The following SLIT3 variants were observed in gnomAD, a reference collection of about 807,000 sequenced individuals.
SLIT3 encodes the protein slit homolog 3 protein.
A neutral mutation model predicts 184.0 loss-of-function variants in SLIT3; 68 were observed. The observed-to-expected ratio is 0.37, with a 90% CI of 0.30 to 0.45. The LOEUF (loss-of-function observed/expected upper bound fraction) is 0.45, where lower values mean the gene tolerates loss of function less well. Ranked by LOEUF, SLIT3 falls within the 20% of genes least tolerant of loss-of-function variation. The probability of loss-of-function intolerance (pLI) is 1.00; values close to 1 mark genes in which losing one functional copy is unlikely to be tolerated. For missense variants in SLIT3, 1,707 were observed against 2,026.0 expected (o/e 0.84, Z 3.02); for synonymous variants, 831 against 828.6 (o/e 1.00, Z -0.05).
At chr5:168,891,317 T>G (rs13169232) in intron 4 of SLIT3, among the ~76,000 whole-genome samples, 2 of 152,016 alleles carry the variant, frequency 1.3e-5, no homozygotes, top group South Asian at 4.2e-4. Flanking sequence ...TTAATCTGTA[T>G]TTCAGAAAGC....
chr5:169,224,051 C>T (rs1764710056), intron 3 of SLIT3, among the ~76,000 whole-genome samples: 1 of 152,158 alleles, frequency 6.6e-6, no homozygotes, highest in Admixed American at 6.5e-5. Flanking sequence ...TAGGAAATGG[C>T]AAGATCATTA....
intron 4 of SLIT3, among the ~76,000 whole-genome samples, chr5:169,116,127 T>C (rs1760653549): frequency 6.6e-6 from 1 of 152,214 alleles, no homozygotes; most frequent in South Asian, 2.1e-4. Flanking sequence ...GAGATAATTA[T>C]TGCAGGGCAA....
intron 20 of SLIT3, among the ~76,000 whole-genome samples, chr5:168,729,573 C>A (rs903894130): frequency 1.3e-5 from 2 of 151,576 alleles, no homozygotes; most frequent in African/African-American, 4.8e-5. Flanking sequence ...AGGATAAAGT[C>A]CTTCCCTGAC....
At position 168,666,588 on chromosome 5, in the gene SLIT3, C is replaced by A; in HGVS notation, c.4438G>T (p.Gly1480Trp). 2.5e-6 allele frequency: 4 copies of A among 1,614,204 alleles called. No individual in the cohort carries two copies. Among genetic ancestry groups the A allele is most frequent in the Non-Finnish European group, 3.4e-6 (4 of 1,180,044 alleles). Reference sequence around the variant, plus strand: ...TGGCAGCACTGGGGCCCACAGCCCCCACGACATTCCATGATGGGCACCTTG... The same window carrying A: ...TGGCAGCACTGGGGCCCACAGCCCCAACGACATTCCATGATGGGCACCTTG... ...ASKVPIMECR[G>W]GCGPQCCQPT... The change falls in exon 36 of 36, where the codon GGG becomes TGG. Residue 1480 changes from glycine (G) to tryptophan (W), a missense_variant. This residue lies in a region of SLIT3 where 387 missense variants were observed against 477.9 expected (regional missense o/e 0.81). Coordinates refer to ENST00000519560, the MANE Select transcript of SLIT3 (RefSeq NM_003062.4).
At position 168,671,358 on chromosome 5, in the gene SLIT3, G is replaced by A; in HGVS notation, c.3967C>T (p.Pro1323Ser). Reference protein sequence around the residue: ...NELQDFKALPPQSLGVSPGCK... With the variant: ...NELQDFKALPSQSLGVSPGCK... The stretch of plus-strand genomic sequence containing the variant: ...CCTGGTGACACCCCCAGGGACTGTG[G>A]TGGGAGGGCCTTGAAGTCCTGCAGC... Residue 1323 changes from proline to serine, a missense_variant, in exon 34 of 36, where the codon CCA becomes TCA. Around this residue, in one of 3 missense-constraint regions of SLIT3, gnomAD observed 387 missense variants for 477.9 expected, o/e 0.81. Coordinates refer to ENST00000519560, the MANE Select transcript of SLIT3 (RefSeq NM_003062.4). The A allele has an allele frequency of 5.0e-6, 8 of 1,614,184 alleles. No homozygotes were observed. Among genetic ancestry groups the A allele is most frequent in the Non-Finnish European group, 5.9e-6 (7 of 1,180,032 alleles).
chr5:169,136,695 G>T (rs143290536), intron 4 of SLIT3, among the ~76,000 whole-genome samples: 1 of 152,122 alleles, frequency 6.6e-6, no homozygotes, highest in Non-Finnish European at 1.5e-5. Context: ...TTATGGGCCT[G>T]GATTTGCTTT....
chr5:169,110,585 T>C (rs1341934200), intron 4 of SLIT3, among the ~76,000 whole-genome samples: 2 of 152,220 alleles, frequency 1.3e-5, no homozygotes, highest in African/African-American at 4.8e-5. Flanking sequence ...CACAGTCATA[T>C]TGGATTAGGG....
intron 1 of SLIT3, among the ~76,000 whole-genome samples, chr5:169,271,989 G>C (rs543669536): frequency 1.3e-5 from 2 of 152,332 alleles, no homozygotes; most frequent in East Asian, 3.9e-4. Flanking sequence ...TGGGTACAGA[G>C]GAGAGTAGGG....
At chr5:168,947,428 G>A (rs891984392) in intron 4 of SLIT3, among the ~76,000 whole-genome samples, 1 of 152,154 alleles carries the variant, frequency 6.6e-6, no homozygotes, top group East Asian at 1.9e-4. Flanking sequence ...CCAGGCCCCT[G>A]CTCACTGCTC....
At chr5:169,129,821 G>T (rs1047339691) in intron 4 of SLIT3, among the ~76,000 whole-genome samples, 7 of 149,708 alleles carry the variant, frequency 4.7e-5, no homozygotes, top group East Asian at 2.0e-4. Flanking sequence ...TTCTTTGGTG[G>T]TTTTTTTTGT....
chr5:168,713,746 G>A (rs151209853), intron 23 of SLIT3, among the ~76,000 whole-genome samples: 1 of 152,336 alleles, frequency 6.6e-6, no homozygotes, highest in African/African-American at 2.4e-5. Context: ...AGAGAACAGT[G>A]GCTCTCACAC....
intron 4 of SLIT3, among the ~76,000 whole-genome samples, chr5:169,095,517 T>C (rs1759744273): frequency 1.3e-5 from 2 of 151,940 alleles, no homozygotes. Context: ...CCTCCTCCCC[T>C]GACTCAGGCA....
chr5:169,214,529 G>A (rs753255213), intron 3 of SLIT3, among the ~76,000 whole-genome samples: 6 of 152,196 alleles, frequency 3.9e-5, no homozygotes, highest in Non-Finnish European at 8.8e-5. Flanking sequence ...AGTTCCCAAA[G>A]GGGAGGTGCG....
chr5:168,992,499 T>C (rs370533357), intron 4 of SLIT3, among the ~76,000 whole-genome samples: 1 of 152,364 alleles, frequency 6.6e-6, no homozygotes, highest in East Asian at 1.9e-4. Flanking sequence ...ATAGATTGAA[T>C]AGAGCCTCTA....
chr5:169,227,167 C>T (rs1209662941), intron 3 of SLIT3, among the ~76,000 whole-genome samples: 1 of 152,172 alleles, frequency 6.6e-6, no homozygotes, highest in African/African-American at 2.4e-5. Flanking sequence ...ATGGGAGGCA[C>T]AGACTTAAGC....
intron 26 of SLIT3, among the ~76,000 whole-genome samples, chr5:168,700,927 C>A (rs979346912): frequency 1.3e-5 from 2 of 152,184 alleles, no homozygotes; most frequent in Non-Finnish European, 1.5e-5. Flanking sequence ...CACTACTTCG[C>A]AGAATTTGCA....
chr5:168,916,821 T>C (rs1358882841), intron 4 of SLIT3, among the ~76,000 whole-genome samples: 2 of 152,222 alleles, frequency 1.3e-5, no homozygotes, highest in Non-Finnish European at 2.9e-5. Context: ...TTTCTCCTTC[T>C]TTCTCCAGGC....
At chr5:168,948,213 TC>T (rs1762548743) in intron 4 of SLIT3, among the ~76,000 whole-genome samples, 1 of 152,188 alleles carries the variant, frequency 6.6e-6, no homozygotes, top group South Asian at 2.1e-4. Context: ...CCCTGCCTTG[TC>T]CGGGGCCTGA....
At chr5:169,120,124 G>T (rs766279292) in intron 4 of SLIT3, 1 of 152,176 alleles carries the variant, frequency 6.6e-6, no homozygotes, top group Non-Finnish European at 1.5e-5. Flanking sequence ...GCTACCTTTT[G>T]TCCCATTTAA....
Sources: gnomAD v4.1 joint callset for allele counts (sites outside exome capture counted in the v4.1 genomes callset) on GRCh38, gnomAD v4.1.1 for gene constraint, gnomAD v4.1.1 regional missense constraint, MANE v1.5 for transcripts, NCBI Gene and HGNC (gene_info 2026-07-23, HGNC 2026-07-21) for gene names.